Variants in UGT1A10 observed in about 807,000 individuals in gnomAD.
UGT1A10 encodes UDP glucuronosyltransferase family 1 member A10, also known as UDP-glucuronosyltransferase 1A10.
UGT1A10 carries 49 observed loss-of-function variants against 45.8 expected under a neutral mutation model. The ratio of observed to expected loss-of-function variants is 1.07; its 90% CI spans 0.85 to 1.36. The LOEUF (loss-of-function observed/expected upper bound fraction) is 1.36, where lower values mean the gene tolerates loss of function less well. Ranked by LOEUF, UGT1A10 falls within the 40% of genes most tolerant of loss-of-function variation. UGT1A10 has a pLI of 0.00. For synonymous variants in UGT1A10, 284 were observed against 249.7 expected (o/e 1.14, Z -1.29); for missense variants, 745 against 668.6 (o/e 1.11, Z -1.26).
chr2:233,760,210 T>A, intron 1 of UGT1A10: 1 of 1,591,180 alleles, frequency 6.3e-7, no homozygotes, highest in African/African-American at 1.4e-5. Flanking sequence ...AAACATTAAC[T>A]TGGTGTATCG....
chr2:233,747,276 T>G (rs1693607556), intron 1 of UGT1A10: 6 of 1,598,748 alleles, frequency 3.8e-6, no homozygotes, highest in Non-Finnish European at 5.1e-6. Flanking sequence ...TCCTTCTCAG[T>G]GCCCAGCCCT....
intron 1 of UGT1A10, among the ~76,000 whole-genome samples, chr2:233,684,398 C>T (rs536984968): frequency 6.6e-6 from 1 of 152,230 alleles, no homozygotes; most frequent in Non-Finnish European, 1.5e-5. Context: ...CCAGCCATCA[C>T]TCAGGTATTG....
chr2:233,748,015 C>G (rs746722710), intron 1 of UGT1A10: 4 of 1,613,310 alleles, frequency 2.5e-6, no homozygotes. Flanking sequence ...TACCCCAGGC[C>G]GATCATGCCC....
At position 233,636,804 on chromosome 2, in the gene UGT1A10, C is replaced by G; in HGVS notation, c.282C>G (p.Ala94=). Residue 94 remains alanine (A), a synonymous_variant, in exon 1 of 5, where the codon GCC becomes GCG. Transcript: ENST00000344644. ...EDQNREFMVF[A]HAQWKAQAQS... Reference sequence around the variant, plus strand: ...AGAACCGGGAATTCATGGTTTTCGCCCATGCTCAATGGAAAGCACAGGCAC... The same window carrying G: ...AGAACCGGGAATTCATGGTTTTCGCGCATGCTCAATGGAAAGCACAGGCAC... 6.2e-7 allele frequency: 1 copy of G among 1,614,148 alleles called. No individual in the cohort carries two copies. The highest frequency in any genetic ancestry group is 8.5e-7 in the Non-Finnish European group (1 of 1,180,028).
intron 1 of UGT1A10, among the ~76,000 whole-genome samples, chr2:233,649,765 A>T (rs1340600538): frequency 6.6e-6 from 1 of 152,206 alleles, no homozygotes; most frequent in Non-Finnish European, 1.5e-5. Context: ...TTTGACCCTG[A>T]AGAAAGTATA....
rs1312767733 is a variant in UGT1A10, at chr2:233,718,748, A to C, written c.856-48286A>C. 2.5e-6 allele frequency: 4 copies of C among 1,612,148 alleles called. No homozygotes were observed. In the African/African-American group the frequency reaches 5.3e-5, roughly 22 times the overall value. ...TGCTAGGTGGCTCAATGACAAGGTA[A>C]TTAAGGCGAAGGAAACAAATGTAGC... is the stretch of plus-strand genomic sequence containing the variant. On this transcript the variant is annotated intron_variant, in intron 1 of 4. Coordinates refer to ENST00000344644, the MANE Select transcript of UGT1A10 (RefSeq NM_019075.4).
At chr2:233,670,832 C>T (rs546940150) in intron 1 of UGT1A10, among the ~76,000 whole-genome samples, 1 of 152,182 alleles carries the variant, frequency 6.6e-6, no homozygotes, top group African/African-American at 2.4e-5. Flanking sequence ...AAGACCGTCT[C>T]TTACTGGCAA....
intron 1 of UGT1A10, chr2:233,693,301 T>C: frequency 6.2e-7 from 1 of 1,614,174 alleles, no homozygotes; most frequent in African/African-American, 1.3e-5. Flanking sequence ...ACAATCACTT[T>C]GCTGAGCGAT....
At chr2:233,768,580 T>TTA in intron 4 of UGT1A10, 141 bp downstream of exon 4, 2 of 1,335,112 alleles carry the variant, frequency 1.5e-6, no homozygotes, top group Non-Finnish European at 1.9e-6. Context: ...TTTTTATTTC[T>TTA]TCTTTTTTTT....
chr2:233,656,858 A>G (rs1300390908), intron 1 of UGT1A10, among the ~76,000 whole-genome samples: 2 of 151,870 alleles, frequency 1.3e-5, no homozygotes, highest in South Asian at 2.1e-4. Flanking sequence ...GTTCCTGGGC[A>G]TCCCTATTAA....
At position 233,769,494 on chromosome 2, in the gene UGT1A10, A is replaced by C. The variant is rs761998450; in HGVS notation, c.1295+1055A>C. On this transcript the variant is annotated intron_variant, in intron 4 of 4. Coordinates refer to ENST00000344644, the MANE Select transcript of UGT1A10 (RefSeq NM_019075.4). The surrounding 1 kb of genome is among the most constrained non-coding windows in gnomAD (Gnocchi z 4.4). Reference sequence around the variant, plus strand: ...GTGTGTGTGTGCGTGTGTTTATGAGAGTGTCCATTGCTTTCTCCCATGGTT... The same window carrying C: ...GTGTGTGTGTGCGTGTGTTTATGAGCGTGTCCATTGCTTTCTCCCATGGTT... 1.9e-6 allele frequency: 3 copies of C among 1,612,660 alleles called. No individual in the cohort carries two copies. Among genetic ancestry groups the C allele is most frequent in the South Asian group, 2.2e-5 (2 of 91,046 alleles).
At chr2:233,642,806 A>C (rs1384881675) in intron 1 of UGT1A10, among the ~76,000 whole-genome samples, 1 of 152,202 alleles carries the variant, frequency 6.6e-6, no homozygotes, top group Admixed American at 6.5e-5. Context: ...AAGATCCAAG[A>C]TACTTCTCTG....
rs1699505482 is a variant in UGT1A10, at chr2:233,767,840, C to T, written c.988-9C>T. The T allele has an allele frequency of 5.6e-6, 9 of 1,614,028 alleles. No homozygotes were observed. The highest frequency in any genetic ancestry group is 1.1e-5 in the South Asian group (1 of 91,070). ...TTTCTTTACGTTCTGCTCTTTTTGC[C>T]CCTCCCAGGTCCTGTGGCGGTACAC... On this transcript the variant is annotated splice_polypyrimidine_tract_variant and intron_variant, in intron 2 of 4. Coordinates refer to ENST00000344644, the MANE Select transcript of UGT1A10 (RefSeq NM_019075.4).
At chr2:233,642,771 A>T (rs1042779881) in intron 1 of UGT1A10, among the ~76,000 whole-genome samples, 1 of 152,168 alleles carries the variant, frequency 6.6e-6, no homozygotes, top group South Asian at 2.1e-4. Context: ...AGACTTGTAG[A>T]TGTATTGCCT....
chr2:233,743,706 C>T (rs776716166), intron 1 of UGT1A10: 66 of 1,367,252 alleles, frequency 4.8e-5, no homozygotes, highest in Non-Finnish European at 6.3e-5. Context: ...TCCGCCCCCG[C>T]CTCGCCATAG....
chr2:233,698,256 C>T (rs987138745), intron 1 of UGT1A10, among the ~76,000 whole-genome samples: 2 of 151,944 alleles, frequency 1.3e-5, no homozygotes, highest in South Asian at 4.1e-4. Context: ...TTCTTTTGTC[C>T]AATAATCAAA....
chr2:233,690,621 C>T, intron 1 of UGT1A10: 2 of 1,289,096 alleles, frequency 1.6e-6, no homozygotes, highest in Middle Eastern at 2.1e-4. Context: ...CCTGGACACT[C>T]AAGTGATACC....
rs765612353 is a variant in UGT1A10 at position 233,772,386 on chromosome 2, G to T, written c.1420G>T (p.Ala474Ser). The T allele has an allele frequency of 6.2e-7, 1 of 1,614,110 alleles. No homozygotes were observed. Among genetic ancestry groups the T allele is most frequent in the Non-Finnish European group, 8.5e-7 (1 of 1,180,046 alleles). The change falls in exon 5 of 5, where the codon GCA becomes TCA. Residue 474 changes from alanine (A) to serine (S), a missense_variant. Coordinates refer to ENST00000344644, the MANE Select transcript of UGT1A10 (RefSeq NM_019075.4). Reference sequence around the variant, plus strand: ...CAAGGGCGCGCCACACCTGCGCCCCGCAGCCCACGACCTCACCTGGTACCA... The same window carrying T: ...CAAGGGCGCGCCACACCTGCGCCCCTCAGCCCACGACCTCACCTGGTACCA... ...RHKGAPHLRP[A>S]AHDLTWYQYH...
chr2:233,721,886 T>C (rs1215447049), intron 1 of UGT1A10: 3 of 486,690 alleles, frequency 6.2e-6, no homozygotes, highest in Non-Finnish European at 1.2e-5. Flanking sequence ...AGCCCCTCCA[T>C]TGCAATATCG....
Sources: allele counts gnomAD v4.1 joint callset (sites outside exome capture counted in the v4.1 genomes callset), GRCh38; gene constraint gnomAD v4.1.1; non-coding constraint Gnocchi (gnomAD v3.1); transcripts MANE v1.5; gene names NCBI Gene and HGNC (gene_info 2026-07-23, HGNC 2026-07-21).